The following YEATS4 variants were observed in gnomAD, a reference collection of about 807,000 sequenced individuals.
YEATS4 encodes the protein YEATS domain containing 4.
YEATS4 carries 17 observed loss-of-function variants against 30.1 expected under a neutral mutation model. That is an observed-to-expected ratio of 0.56 (90% CI 0.39 to 0.85). The LOEUF (loss-of-function observed/expected upper bound fraction) is 0.85. YEATS4 is among the 40% of genes least tolerant of loss of function. The probability of loss-of-function intolerance (pLI) is 0.00; values close to 1 mark genes in which losing one functional copy is unlikely to be tolerated. For missense variants in YEATS4, 142 were observed against 268.3 expected, an observed-to-expected ratio of 0.53 and a Z score of 3.29; for synonymous variants, 85 against 87.5, an observed-to-expected ratio of 0.97 and a Z score of 0.16.
chr12:69,406,222 T>C, the YEATS4 span, among the ~76,000 whole-genome samples: 1 of 152,238 alleles, frequency 6.6e-6, no homozygotes, highest in Non-Finnish European at 1.5e-5. Context: ...AGTTTGTACC[T>C]AATAATGCTT....
At chr12:69,379,896 C>A (rs11522894) in intron 6 of YEATS4, among the ~76,000 whole-genome samples, 19,174 of 152,044 alleles carry the variant, frequency 0.13, 1,543 homozygotes, top group Non-Finnish European at 0.18. Flanking sequence ...CTGATGCATT[C>A]TTCCATATGT....
chr12:69,370,212 A>G (rs1875586013), intron 4 of YEATS4, among the ~76,000 whole-genome samples: 1 of 152,172 alleles, frequency 6.6e-6, no homozygotes, highest in Non-Finnish European at 1.5e-5. Context: ...GCTCTTGCCA[A>G]AGTGAATTAT....
chr12:69,372,761 C>T (rs961904204), intron 6 of YEATS4, among the ~76,000 whole-genome samples: 2 of 152,100 alleles, frequency 1.3e-5, no homozygotes, highest in Non-Finnish European at 2.9e-5. Flanking sequence ...TGGTCTCGAA[C>T]TCCTGACCTC....
chr12:69,362,918 G>T lies in YEATS4; in HGVS notation c.171+11G>T. 7.0e-7 allele frequency: 1 copy of T among 1,436,206 alleles called. No homozygotes were observed. Among genetic ancestry groups the T allele is most frequent in the Non-Finnish European group, 9.2e-7 (1 of 1,082,818 alleles). 89.0% of individuals were successfully genotyped at this position (1,436,206 alleles called of 1,614,324 possible). ...CCATATAGAAATGAGGTAGGCACTC[G>T]TTTTTTCTGTAACTGTTTTACTTAA... is the stretch of plus-strand genomic sequence containing the variant. On this transcript the variant is annotated intron_variant, in intron 2 of 6. Coordinates refer to ENST00000247843, the MANE Select transcript of YEATS4 (RefSeq NM_006530.4).
intron 2 of YEATS4, 125 bp downstream of exon 2, chr12:69,363,032 G>A (rs1338273335): frequency 4.4e-6 from 4 of 903,662 alleles, no homozygotes; most frequent in East Asian, 9.5e-5. Context: ...TTGCTCTGTC[G>A]CCCAGGCTGG....
chr12:69,398,375 A>G, the YEATS4 span, among the ~76,000 whole-genome samples: 1 of 152,214 alleles, frequency 6.6e-6, no homozygotes, highest in African/African-American at 2.4e-5. Flanking sequence ...AGGATGAACG[A>G]TTATATACAA....
intron 4 of YEATS4, among the ~76,000 whole-genome samples, chr12:69,367,099 A>G (rs1195664239): frequency 6.6e-6 from 1 of 152,238 alleles, no homozygotes; most frequent in African/African-American, 2.4e-5. Context: ...GGGCTTGCAT[A>G]TCTCCAATAT....
chr12:69,418,207 A>G, the YEATS4 span, among the ~76,000 whole-genome samples: 1 of 152,186 alleles, frequency 6.6e-6, no homozygotes, highest in Non-Finnish European at 1.5e-5. Flanking sequence ...TGTACTGAAG[A>G]TCCTATGCTT....
chr12:69,363,937 T>C (rs1875330881), intron 2 of YEATS4, among the ~76,000 whole-genome samples: 1 of 152,210 alleles, frequency 6.6e-6, no homozygotes, highest in Non-Finnish European at 1.5e-5. Context: ...AGCATTATGC[T>C]AAGTAAAAGA....
At chr12:69,413,895 A>T in the YEATS4 span, among the ~76,000 whole-genome samples, 1 of 151,850 alleles carries the variant, frequency 6.6e-6, no homozygotes, top group African/African-American at 2.4e-5. Flanking sequence ...AAAAGGCATG[A>T]GGTAGCTATG....
chr12:69,394,742 G>T (rs1344288794), downstream of YEATS4, among the ~76,000 whole-genome samples: 1 of 152,036 alleles, frequency 6.6e-6, no homozygotes, highest in Non-Finnish European at 1.5e-5. Flanking sequence ...TCAAACTATA[G>T]GCCTTCACCA....
chr12:69,425,006 G>A, the YEATS4 span, among the ~76,000 whole-genome samples: 1,677 of 152,012 alleles, frequency 0.011, 37 homozygotes, highest in African/African-American at 0.038. Flanking sequence ...CACAACCTCC[G>A]CCTCCTGGGT....
chr12:69,374,806 ATC>A (rs1370375960), intron 6 of YEATS4, among the ~76,000 whole-genome samples: 1 of 152,058 alleles, frequency 6.6e-6, no homozygotes. Flanking sequence ...TAACAATCTG[ATC>A]TCTCTTTCTT....
the YEATS4 span, among the ~76,000 whole-genome samples, chr12:69,422,082 G>T: frequency 6.6e-6 from 1 of 152,142 alleles, no homozygotes; most frequent in Non-Finnish European, 1.5e-5. Flanking sequence ...GTGCTAATAG[G>T]TATCAAAGGG....
chr12:69,423,278 G>T, the YEATS4 span, among the ~76,000 whole-genome samples: 1 of 152,076 alleles, frequency 6.6e-6, no homozygotes, highest in African/African-American at 2.4e-5. Context: ...TTCATTCTGG[G>T]TACCGGGCTA....
intron 6 of YEATS4, among the ~76,000 whole-genome samples, chr12:69,375,401 C>T (rs1452660658): frequency 2.7e-5 from 4 of 150,110 alleles, no homozygotes; most frequent in Non-Finnish European, 4.4e-5. Context: ...CGGGAAGAGG[C>T]GCTCCTCACT....
chr12:69,424,961 C>T, the YEATS4 span, among the ~76,000 whole-genome samples: 1 of 151,916 alleles, frequency 6.6e-6, no homozygotes, highest in South Asian at 2.1e-4. Context: ...CTCTTGTTGC[C>T]CAGGCTGGAG....
At chr12:69,393,186 G>T (rs547969190), downstream of YEATS4, among the ~76,000 whole-genome samples, 1 of 152,226 alleles carries the variant, frequency 6.6e-6, no homozygotes, top group African/African-American at 2.4e-5. Context: ...GGTGGCTCAC[G>T]CCTGTAGTCC....
At chr12:69,377,586 A>G (rs1451607278) in intron 6 of YEATS4, among the ~76,000 whole-genome samples, 1 of 152,108 alleles carries the variant, frequency 6.6e-6, no homozygotes, top group East Asian at 1.9e-4. Flanking sequence ...TAATCTCTTC[A>G]TTGACCCACT....
Sources: gnomAD v4.1 joint callset for allele counts (sites outside exome capture counted in the v4.1 genomes callset) on GRCh38, gnomAD v4.1.1 for gene constraint, MANE v1.5 for transcripts, NCBI Gene and HGNC (gene_info 2026-07-23, HGNC 2026-07-21) for gene names.